The following MAOA variants were observed in gnomAD, a reference collection of about 807,000 sequenced individuals.
MAOA encodes amine oxidase [flavin-containing] A.
Under a neutral mutation model 42.0 loss-of-function variants are expected in MAOA, and 6 were observed. The ratio of observed to expected loss-of-function variants is 0.14; its 90% confidence interval spans 0.08 to 0.28. The LOEUF (loss-of-function observed/expected upper bound fraction) is 0.28. MAOA is among the 10% of genes least tolerant of loss of function. MAOA has a pLI of 1.00. For missense variants in MAOA, 262 were observed against 422.3 expected, an observed-to-expected ratio of 0.62 and a Z score of 3.33; for synonymous variants, 140 against 154.0, an observed-to-expected ratio of 0.91 and a Z score of 0.67.
chrX:43,663,473 G>A (rs1360910373), intron 1 of MAOA, among the ~76,000 whole-genome samples: 1 of 111,626 alleles, frequency 9.0e-6, no homozygotes, highest in East Asian at 2.8e-4. Flanking sequence ...TGGCCTGTAA[G>A]AGCCCAAAGG....
intron 5 of MAOA, among the ~76,000 whole-genome samples, chrX:43,721,533 C>A: frequency 9.1e-6 from 1 of 110,443 alleles, no homozygotes; most frequent in East Asian, 2.9e-4. Context: ...GCAAGATGAC[C>A]AAGTAGGAGC....
At chrX:43,705,140 C>T (rs761767935) in intron 3 of MAOA, among the ~76,000 whole-genome samples, 1 of 111,560 alleles carries the variant, frequency 9.0e-6, no homozygotes, top group East Asian at 2.8e-4. Context: ...CCATAATAGC[C>T]AAAGCAGTTT....
At chrX:43,730,767 C>T (rs940996269) in intron 6 of MAOA, among the ~76,000 whole-genome samples, 7 of 110,733 alleles carry the variant, frequency 6.3e-5, no homozygotes, top group Non-Finnish European at 1.1e-4. Context: ...CCTAAAAGCA[C>T]CCTGTAACTT....
upstream of MAOA, chrX:43,656,226 C>T: frequency 4.6e-6 from 3 of 647,560 alleles, no homozygotes; most frequent in South Asian, 7.1e-5. Flanking sequence ...CCCCGGGTAT[C>T]AAAAGAAGGA....
At chrX:43,674,143 A>G (rs1454591722) in intron 1 of MAOA, among the ~76,000 whole-genome samples, 1 of 111,351 alleles carries the variant, frequency 9.0e-6, no homozygotes, top group Non-Finnish European at 1.9e-5. Flanking sequence ...TATTGGGTGC[A>G]TATATATTTA....
intron 4 of MAOA, 86 bp from the exon 5 acceptor site, chrX:43,712,619 C>A: frequency 1.7e-6 from 1 of 593,665 alleles, no homozygotes; most frequent in East Asian, 3.5e-5. Flanking sequence ...ACCAAGAGAC[C>A]CATTTTCAGA....
chrX:43,664,190 G>A (rs925835135), intron 1 of MAOA, among the ~76,000 whole-genome samples: 9 of 111,989 alleles, frequency 8.0e-5, no homozygotes, highest in African/African-American at 2.9e-4. Context: ...GGCTGGACAC[G>A]AAGGCACCTA....
chrX:43,694,906 G>A (rs1452030887), intron 3 of MAOA, among the ~76,000 whole-genome samples: 1 of 111,845 alleles, frequency 8.9e-6, no homozygotes. Context: ...AAGATTCAGA[G>A]GCTGAGAGGT....
chrX:43,706,852 A>T (rs925936521), intron 3 of MAOA, among the ~76,000 whole-genome samples: 2 of 110,862 alleles, frequency 1.8e-5, no homozygotes, highest in Admixed American at 1.9e-4. Context: ...ATGGTATGGC[A>T]TCATTTATAT....
intron 3 of MAOA, among the ~76,000 whole-genome samples, chrX:43,707,495 G>A (rs970586499): frequency 6.3e-5 from 7 of 111,642 alleles, no homozygotes; most frequent in Non-Finnish European, 1.3e-4. Flanking sequence ...CTCCATGTAG[G>A]GTATGAAGGC....
chrX:43,715,552 A>G (rs987912264), intron 5 of MAOA, among the ~76,000 whole-genome samples: 1 of 111,041 alleles, frequency 9.0e-6, no homozygotes, highest in African/African-American at 3.3e-5. Context: ...GGTGACCAGG[A>G]TGGTATTTCC....
chrX:43,667,924 C>G (rs1282373707), intron 1 of MAOA, among the ~76,000 whole-genome samples: 1 of 112,061 alleles, frequency 8.9e-6, no homozygotes, highest in Non-Finnish European at 1.9e-5. Flanking sequence ...AACTTTCATA[C>G]TTTTTAATAG....
intron 3 of MAOA, among the ~76,000 whole-genome samples, chrX:43,707,283 C>G (rs73633021): frequency 0.079 from 8,739 of 110,874 alleles, 866 homozygotes; most frequent in African/African-American, 0.27. Flanking sequence ...CAGATGCAGC[C>G]AAGTGCTAAT....
At chrX:43,656,471 AC>A (rs1569187254) in intron 1 of MAOA, 57 bp downstream of exon 1, 6 of 1,019,034 alleles carry the variant, frequency 5.9e-6, no homozygotes, top group African/African-American at 5.6e-5. Flanking sequence ...GGGTAGGGGA[AC>A]CTACAGTAGC....
intron 1 of MAOA, among the ~76,000 whole-genome samples, chrX:43,668,857 T>C (rs1158439124): frequency 2.7e-5 from 3 of 112,257 alleles, no homozygotes; most frequent in African/African-American, 9.7e-5. Flanking sequence ...AAGAAAAAGT[T>C]ACTAATATTT....
At chrX:43,678,299 A>G (rs1388802868) in intron 1 of MAOA, among the ~76,000 whole-genome samples, 1 of 111,910 alleles carries the variant, frequency 8.9e-6, no homozygotes, top group Non-Finnish European at 1.9e-5. Context: ...ATGGAAAATA[A>G]AAGAAAGGGA....
In MAOA at chrX:43,711,925, A is replaced by G. The variant is rs749236767; in HGVS notation, c.360A>G (p.Ala120=). 2 of 1,209,453 alleles carry G rather than the reference A, an allele frequency of 1.7e-6. No homozygotes were observed. The highest frequency in any genetic ancestry group is 4.3e-5 in the Admixed American group (2 of 45,990). Residue 120 remains alanine, a synonymous_variant, in exon 4 of 15, where the codon GCA becomes GCG. Coordinates refer to ENST00000338702, the MANE Select transcript of MAOA (RefSeq NM_000240.4). ...TTCCACCAGTATGGAATCCCATTGCATATTTGGATTACAATAATCTGTGGA... is the reference window on the plus strand; with the variant it reads ...TTCCACCAGTATGGAATCCCATTGCGTATTTGGATTACAATAATCTGTGGA... ...GAFPPVWNPI[A]YLDYNNLWRT...
In MAOA at chrX:43,711,983, T is replaced by C. The variant is rs775177356; in HGVS notation, c.411+7T>C. 4 of 1,119,987 alleles carry C rather than the reference T, an allele frequency of 3.6e-6. No homozygotes were observed. Among genetic ancestry groups the C allele is most frequent in the Non-Finnish European group, 4.9e-6 (4 of 812,278 alleles). 92.3% of individuals were successfully genotyped at this position (1,119,987 alleles called of 1,213,427 possible). A position where few individuals can be genotyped will look rare whatever the true frequency, so the allele number is the denominator to read the frequency against. On this transcript the variant is annotated splice_region_variant and intron_variant, in intron 4 of 14. Transcript: ENST00000338702. ...AGATAACATGGGGAAGGAGGTAAAA[T>C]GTGTGTTCAGTTTGCACATGACCCA...
intron 5 of MAOA, among the ~76,000 whole-genome samples, chrX:43,725,388 C>A (rs1453787445): frequency 8.9e-6 from 1 of 111,838 alleles, no homozygotes; most frequent in Non-Finnish European, 1.9e-5. Context: ...ATAGTTAGCT[C>A]TTCTCGTTGC....
Sources: gnomAD v4.1 joint callset for allele counts (sites outside exome capture counted in the v4.1 genomes callset) on GRCh38, gnomAD v4.1.1 for gene constraint, MANE v1.5 for transcripts, NCBI Gene and HGNC (gene_info 2026-07-23, HGNC 2026-07-21) for gene names.